Variants in CCDC122 observed in about 807,000 individuals in gnomAD.
The protein encoded by CCDC122 is coiled-coil domain-containing protein 122.
A neutral mutation model predicts 37.0 loss-of-function variants in CCDC122; 38 were observed. The observed-to-expected ratio is 1.03, with a 90% CI of 0.79 to 1.35. CCDC122 has a LOEUF of 1.35. Among genes scored for constraint, CCDC122 ranks in the 40% most tolerant of loss-of-function variants. CCDC122 has a pLI of 0.00. For synonymous variants in CCDC122, 83 were observed against 95.6 expected, an observed-to-expected ratio of 0.87 and a Z score of 0.77; for missense variants, 305 against 310.0, an observed-to-expected ratio of 0.98 and a Z score of 0.12.
At chr13:43,849,743 C>G (rs1953662545) in intron 6 of CCDC122, among the ~76,000 whole-genome samples, 1 of 152,192 alleles carries the variant, frequency 6.6e-6, no homozygotes, top group South Asian at 2.1e-4. Flanking sequence ...CTCATGCCAG[C>G]AAGGGCTGGG....
chr13:43,836,707 G>A lies in CCDC122; in HGVS notation c.*573C>T, dbSNP rs980724304. 6.6e-6 allele frequency: 1 copy of A among 151,092 alleles called. No homozygotes were observed. The highest frequency in any genetic ancestry group is 1.5e-5 in the Non-Finnish European group (1 of 67,750). 9.4% of individuals were successfully genotyped at this position (151,092 alleles called of 1,614,324 possible). ...CTACTAAAAATACAAAAAATTAGCCGGGCGCGGTGGCGGGCGCCTGTGGTC... is the reference window on the plus strand; with the variant it reads ...CTACTAAAAATACAAAAAATTAGCCAGGCGCGGTGGCGGGCGCCTGTGGTC... On this transcript the variant is annotated 3_prime_UTR_variant, in exon 7 of 7. Transcript: ENST00000444614.
intron 3 of CCDC122, among the ~76,000 whole-genome samples, chr13:43,828,822 G>C (rs1953063528): frequency 1.3e-5 from 2 of 151,946 alleles, no homozygotes; most frequent in South Asian, 2.1e-4. Flanking sequence ...TTCAAGTTTT[G>C]TTTCTATTAC....
At chr13:43,849,030 T>C (rs1200615891) in intron 6 of CCDC122, 1 of 950,766 alleles carries the variant, frequency 1.1e-6, no homozygotes, top group Non-Finnish European at 1.3e-6. Context: ...TTCACAAAAA[T>C]GTAACGTTTT....
intron 6 of CCDC122, among the ~76,000 whole-genome samples, chr13:43,840,979 AACT>A (rs1953331777): frequency 6.6e-6 from 1 of 152,204 alleles, no homozygotes; most frequent in African/African-American, 2.4e-5. Flanking sequence ...ACAATGGTTT[AACT>A]AGTCTACAGT....
At chr13:43,850,358 C>A (rs1447560663) in intron 6 of CCDC122, among the ~76,000 whole-genome samples, 1 of 152,168 alleles carries the variant, frequency 6.6e-6, no homozygotes, top group African/African-American at 2.4e-5. Flanking sequence ...GAACATAACA[C>A]AGAAGTTAAA....
At chr13:43,869,284 T>C (rs1276150493) in intron 3 of CCDC122, 47 bp downstream of exon 3, 2 of 1,409,548 alleles carry the variant, frequency 1.4e-6, no homozygotes, top group Admixed American at 1.7e-5. Context: ...TACTTTTTTG[T>C]TGTTGCTGAT....
downstream of CCDC122, among the ~76,000 whole-genome samples, chr13:43,819,032 A>T (rs1461026778): frequency 2.6e-5 from 4 of 151,968 alleles, no homozygotes; most frequent in African/African-American, 7.3e-5. Context: ...AAGTATAATT[A>T]AAAAAATATT....
intron 4 of CCDC122, among the ~76,000 whole-genome samples, chr13:43,860,842 G>T (rs1323552528): frequency 6.6e-6 from 1 of 152,136 alleles, no homozygotes; most frequent in Non-Finnish European, 1.5e-5. Context: ...TCTACACCCA[G>T]CTGCCAATGG....
intron 2 of CCDC122, among the ~76,000 whole-genome samples, chr13:43,872,164 G>T (rs1408642180): frequency 2.6e-5 from 4 of 151,830 alleles, no homozygotes; most frequent in African/African-American, 9.7e-5. Context: ...AGTATGTGCT[G>T]TTTAACCCCG....
chr13:43,855,905 C>T (rs1953892315), intron 6 of CCDC122: 1 of 152,146 alleles, frequency 6.6e-6, no homozygotes, highest in African/African-American at 2.4e-5. Context: ...GACACATACA[C>T]GTGTAAGTGC....
At chr13:43,847,429 AC>A in intron 6 of CCDC122, among the ~76,000 whole-genome samples, 1 of 152,310 alleles carries the variant, frequency 6.6e-6, no homozygotes, top group South Asian at 2.1e-4. Context: ...ATTCCTAAAA[AC>A]AAAAACCATA....
Position 43,836,383 on chromosome 13 carries a change from T to C in CCDC122, c.*897A>G, listed in dbSNP as rs1302041963. ...GAAAGTGAACAAAATATTTTATTCA[T>C]CGTATCACTCAAAATATGTTATTTT... On this transcript the variant is annotated 3_prime_UTR_variant, in exon 7 of 7. Coordinates refer to ENST00000444614, the MANE Select transcript of CCDC122 (RefSeq NM_144974.5). 6.6e-6 allele frequency: 1 copy of C among 152,274 alleles called. No individual in the cohort carries two copies. Among genetic ancestry groups the C allele is most frequent in the Non-Finnish European group, 1.5e-5 (1 of 68,032 alleles). 9.4% of individuals were successfully genotyped at this position (152,274 alleles called of 1,614,324 possible).
downstream of CCDC122, among the ~76,000 whole-genome samples, chr13:43,832,919 AG>A (rs532930603): frequency 1.6e-3 from 238 of 152,332 alleles, 2 homozygotes; most frequent in African/African-American, 5.4e-3. Context: ...ATTGTCAAAC[AG>A]GGCACAGCAT....
chr13:43,847,173 C>T lies in CCDC122; in HGVS notation c.673-9744G>A, dbSNP rs181808383. 1.2e-4 allele frequency among the ~76,000 whole-genome samples: 18 copies of T among 152,170 alleles called. No individual in the cohort carries two copies. In the East Asian group the frequency reaches 3.3e-3, roughly 28 times the overall value. On this transcript the variant is annotated intron_variant, in intron 6 of 6. Transcript: ENST00000444614. ...AAATAATTACGTAGGCCAATTTGCACCAATATGAAAAATCTATGAGACAGA... is the reference window on the plus strand; with the variant it reads ...AAATAATTACGTAGGCCAATTTGCATCAATATGAAAAATCTATGAGACAGA...
At chr13:43,852,225 C>A (rs968716480) in intron 6 of CCDC122, among the ~76,000 whole-genome samples, 1 of 151,976 alleles carries the variant, frequency 6.6e-6, no homozygotes, top group Non-Finnish European at 1.5e-5. Context: ...TCCAAGGAAG[C>A]CAAGAATCAT....
At chr13:43,876,773 T>C (rs1954623548) in intron 1 of CCDC122, among the ~76,000 whole-genome samples, 1 of 152,204 alleles carries the variant, frequency 6.6e-6, no homozygotes, top group Non-Finnish European at 1.5e-5. Context: ...AAAATCTATG[T>C]TTAATATTTT....
intron 1 of CCDC122, among the ~76,000 whole-genome samples, chr13:43,875,215 C>A (rs889581953): frequency 3.9e-5 from 6 of 152,130 alleles, no homozygotes; most frequent in African/African-American, 1.4e-4. Flanking sequence ...TTGGTGAAAT[C>A]CAGTTATAAC....
intron 2 of CCDC122, among the ~76,000 whole-genome samples, chr13:43,871,429 T>A (rs1954449279): frequency 6.6e-6 from 1 of 152,016 alleles, no homozygotes; most frequent in African/African-American, 2.4e-5. Flanking sequence ...CTCCCCCAAA[T>A]CACAGTGCAA....
intron 1 of CCDC122, among the ~76,000 whole-genome samples, chr13:43,875,842 C>T (rs1455151475): frequency 6.6e-6 from 1 of 152,204 alleles, no homozygotes; most frequent in African/African-American, 2.4e-5. Flanking sequence ...CCTCTGCCTG[C>T]CTTCAACTTT....
Sources: gnomAD v4.1 joint callset for allele counts (sites outside exome capture counted in the v4.1 genomes callset) on GRCh38, gnomAD v4.1.1 for gene constraint, MANE v1.5 for transcripts, NCBI Gene and HGNC (gene_info 2026-07-23, HGNC 2026-07-21) for gene names.